Variants in SSBP2 observed in about 807,000 individuals in gnomAD.
SSBP2 encodes the protein single-stranded DNA-binding protein 2.
A neutral mutation model predicts 61.8 loss-of-function variants in SSBP2; 17 were observed. The ratio of observed to expected loss-of-function variants is 0.28; its 90% confidence interval spans 0.19 to 0.41. The LOEUF (loss-of-function observed/expected upper bound fraction) is 0.41. Ranked by LOEUF, SSBP2 falls within the 10% of genes least tolerant of loss-of-function variation. The pLI is 1.00. For synonymous variants in SSBP2, 139 were observed against 141.3 expected (o/e 0.98, Z 0.12); for missense variants, 310 against 458.7 (o/e 0.68, Z 2.96).
chr5:81,575,655 T>C (rs563181172), intron 4 of SSBP2, among the ~76,000 whole-genome samples: 40 of 152,124 alleles, frequency 2.6e-4, no homozygotes, highest in African/African-American at 8.7e-4. Context: ...AAACCATAGA[T>C]TTAAACCCAA....
At position 81,456,721 on chromosome 5, in the gene SSBP2, A is replaced by G. The variant is rs2153989373; in HGVS notation, c.687+4334T>C. Among the ~76,000 whole-genome samples, 3 of 152,342 alleles carry G rather than the reference A, an allele frequency of 2.0e-5. No individual in the cohort carries two copies. The South Asian group carries it at 6.2e-4, about 32-fold the overall frequency. On this transcript the variant is annotated intron_variant, in intron 10 of 16. Transcript: ENST00000320672. ...AATTAAAATCGTAACTTTTATTTGGAATTAAAAATATGAGTTTGCCCTTAA... is the reference window on the plus strand; with the variant it reads ...AATTAAAATCGTAACTTTTATTTGGGATTAAAAATATGAGTTTGCCCTTAA...
rs974885366 is a variant in SSBP2, at chr5:81,695,826, G to A, written c.63-45487C>T. 2.0e-5 allele frequency among the ~76,000 whole-genome samples: 3 copies of A among 151,606 alleles called. No homozygotes were observed. In the East Asian group the frequency reaches 5.8e-4, roughly 29 times the overall value. ...TTTAATTATGTCTTCTCTCTTTAAG[G>A]AATTTTATTTTACATTGATTTTAAA... On this transcript the variant is annotated intron_variant, in intron 1 of 16. Transcript: ENST00000320672.
chr5:81,679,107 T>G (rs1257342744), intron 1 of SSBP2, among the ~76,000 whole-genome samples: 1 of 152,220 alleles, frequency 6.6e-6, no homozygotes, highest in African/African-American at 2.4e-5. Flanking sequence ...CCTCCCAGGT[T>G]CAAGCGATTC....
chr5:81,448,829 G>C lies in SSBP2; in HGVS notation c.688-4C>G. On this transcript the variant is annotated splice_region_variant and splice_polypyrimidine_tract_variant and intron_variant, in intron 10 of 16. Transcript: ENST00000320672. ...GAGATGCTGAGGAGTATGGTATCTGGAACACGAATAGGACAAAAAAATTTT... is the reference window on the plus strand; with the variant it reads ...GAGATGCTGAGGAGTATGGTATCTGCAACACGAATAGGACAAAAAAATTTT... 3.7e-6 allele frequency: 6 copies of C among 1,612,448 alleles called. No homozygotes were observed. The highest frequency in any genetic ancestry group is 5.1e-6 in the Non-Finnish European group (6 of 1,179,384).
At chr5:81,525,308 T>C (rs147026591) in intron 4 of SSBP2, among the ~76,000 whole-genome samples, 2 of 151,946 alleles carry the variant, frequency 1.3e-5, no homozygotes, top group African/African-American at 4.8e-5. Flanking sequence ...CCAGTAGTTA[T>C]TTTTTCTGAT....
At chr5:81,427,317 T>TA (rs534704083) in intron 16 of SSBP2, among the ~76,000 whole-genome samples, 29 of 152,004 alleles carry the variant, frequency 1.9e-4, no homozygotes, top group Non-Finnish European at 4.1e-4. Flanking sequence ...ACTGACAGGC[T>TA]AAATTTTTTT....
intron 4 of SSBP2, among the ~76,000 whole-genome samples, chr5:81,546,856 A>G (rs1771764256): frequency 6.6e-6 from 1 of 152,002 alleles, no homozygotes; most frequent in South Asian, 2.1e-4. Context: ...TATGAACATT[A>G]AATATAAAAT....
At chr5:81,602,513 T>C (rs1304744968) in intron 4 of SSBP2, among the ~76,000 whole-genome samples, 1 of 152,108 alleles carries the variant, frequency 6.6e-6, no homozygotes, top group Non-Finnish European at 1.5e-5. Context: ...TTTGTGTGTC[T>C]GAAAGGTTCT....
intron 1 of SSBP2, among the ~76,000 whole-genome samples, chr5:81,681,968 T>C (rs571455190): frequency 3.3e-5 from 5 of 152,170 alleles, no homozygotes; most frequent in East Asian, 1.9e-4. Flanking sequence ...CTAGATGAAA[T>C]AGACCAGTTC....
chr5:81,547,403 A>T (rs1004394792), intron 4 of SSBP2, among the ~76,000 whole-genome samples: 13 of 152,198 alleles, frequency 8.5e-5, no homozygotes, highest in Admixed American at 6.5e-5. Flanking sequence ...TCACATCCAG[A>T]CAACGGAATA....
chr5:81,699,834 T>C (rs1753849271), intron 1 of SSBP2, among the ~76,000 whole-genome samples: 1 of 151,314 alleles, frequency 6.6e-6, no homozygotes, highest in Non-Finnish European at 1.5e-5. Context: ...TTATGACAGA[T>C]AGCTTTACAA....
chr5:81,667,072 A>T (rs1432541140), intron 1 of SSBP2, among the ~76,000 whole-genome samples: 3 of 150,878 alleles, frequency 2.0e-5, no homozygotes, highest in Non-Finnish European at 4.4e-5. Context: ...GACAAAAGGC[A>T]ATGCTTCCCA....
At position 81,747,030 on chromosome 5, in the gene SSBP2, G is replaced by C. The variant is rs909291980; in HGVS notation, c.62+3951C>G. Among the ~76,000 whole-genome samples, 5 of 138,396 alleles carry C rather than the reference G, an allele frequency of 3.6e-5. 1 individual carries two copies. Among genetic ancestry groups the C allele is most frequent in the African/African-American group, 1.0e-4 (4 of 38,582 alleles). The allele number at this position is 138,396 out of a possible 152,430, so 90.8% of individuals were successfully genotyped here. On this transcript the variant is annotated intron_variant, in intron 1 of 16. Coordinates refer to ENST00000320672, the MANE Select transcript of SSBP2 (RefSeq NM_012446.5). Reference sequence around the variant, plus strand: ...CAATCAAACAAAATTCCTGGGGGGGGGGGGAATCTGAAGAAACAAGTTTTC... The same window carrying C: ...CAATCAAACAAAATTCCTGGGGGGGCGGGGAATCTGAAGAAACAAGTTTTC...
chr5:81,608,169 G>C (rs959557527), intron 4 of SSBP2, among the ~76,000 whole-genome samples: 1 of 151,882 alleles, frequency 6.6e-6, no homozygotes. Flanking sequence ...CCTAATTTCA[G>C]ATTTCTGCTA....
At chr5:81,675,611 G>A (rs751210012) in intron 1 of SSBP2, among the ~76,000 whole-genome samples, 2 of 152,126 alleles carry the variant, frequency 1.3e-5, no homozygotes, top group Non-Finnish European at 2.9e-5. Flanking sequence ...TTACTTTTAC[G>A]TTTTTTGTTA....
intron 1 of SSBP2, among the ~76,000 whole-genome samples, chr5:81,671,528 A>G (rs1751574508): frequency 6.6e-6 from 1 of 152,146 alleles, no homozygotes; most frequent in African/African-American, 2.4e-5. Flanking sequence ...ATTTAGTACC[A>G]TAAGGATAAT....
intron 13 of SSBP2, among the ~76,000 whole-genome samples, chr5:81,441,595 T>G (rs547158764): frequency 6.6e-6 from 1 of 152,150 alleles, no homozygotes; most frequent in Non-Finnish European, 1.5e-5. Context: ...TGAAGGCTTT[T>G]AGGAAGAAAT....
At chr5:81,736,672 TAAA>T (rs1389592285) in intron 1 of SSBP2, among the ~76,000 whole-genome samples, 1 of 152,244 alleles carries the variant, frequency 6.6e-6, no homozygotes, top group African/African-American at 2.4e-5. Context: ...ACTCAAATAA[TAAA>T]AAGTATTTTA....
intron 3 of SSBP2, among the ~76,000 whole-genome samples, chr5:81,629,730 G>A (rs1302062417): frequency 6.6e-6 from 1 of 152,154 alleles, no homozygotes; most frequent in Non-Finnish European, 1.5e-5. Flanking sequence ...AATAAAAATT[G>A]TATATATTTA....
Sources: gnomAD v4.1 joint callset for allele counts (sites outside exome capture counted in the v4.1 genomes callset) on GRCh38, gnomAD v4.1.1 for gene constraint, MANE v1.5 for transcripts, NCBI Gene and HGNC (gene_info 2026-07-23, HGNC 2026-07-21) for gene names.